The following LZTFL1 variants were observed in gnomAD, a reference collection of about 807,000 sequenced individuals.
LZTFL1 encodes the protein leucine zipper transcription factor-like protein 1.
Under a neutral mutation model 45.9 loss-of-function variants are expected in LZTFL1, and 25 were observed. That is an observed-to-expected ratio of 0.54 (90% CI 0.40 to 0.76). The LOEUF is 0.76. Ranked by LOEUF, LZTFL1 falls within the 30% of genes least tolerant of loss-of-function variation. The pLI, the probability that LZTFL1 is intolerant of heterozygous loss-of-function variation, is 0.00. For missense variants in LZTFL1, 277 were observed against 331.1 expected, an observed-to-expected ratio of 0.84 and a Z score of 1.27; for synonymous variants, 93 against 117.4, an observed-to-expected ratio of 0.79 and a Z score of 1.35.
rs1021054753 is a variant in LZTFL1 at position 45,825,195 on chromosome 3, G to C, written c.*1119C>G. The C allele has an allele frequency of 7.5e-5, 22 of 291,658 alleles. No homozygotes were observed. Among genetic ancestry groups the C allele is most frequent in the African/African-American group, 2.2e-4 (10 of 46,442 alleles). 18.1% of individuals were successfully genotyped at this position (291,658 alleles called of 1,614,324 possible). A position where few individuals can be genotyped will look rare whatever the true frequency, so the allele number is the denominator to read the frequency against. ...TCTCTTAGTAGACAGTGTTCATTTAGGGTGTGATACTCTCACTTTTAGAAG... is the reference window on the plus strand; with the variant it reads ...TCTCTTAGTAGACAGTGTTCATTTACGGTGTGATACTCTCACTTTTAGAAG... On this transcript the variant is annotated 3_prime_UTR_variant, in exon 10 of 10. Coordinates refer to ENST00000296135, the MANE Select transcript of LZTFL1 (RefSeq NM_020347.4).
exon 1 of LZTFL1, chr3:45,915,465 T>G (rs1040822791): frequency 4.4e-6 from 2 of 454,840 alleles, no homozygotes; most frequent in Non-Finnish European, 8.8e-6. Context: ...CTTCCTTCTC[T>G]CCTCCGAGGC....
At chr3:45,888,399 T>G (rs2125737437) in intron 2 of LZTFL1, among the ~76,000 whole-genome samples, 1 of 152,338 alleles carries the variant, frequency 6.6e-6, no homozygotes, top group Non-Finnish European at 1.5e-5. Flanking sequence ...CCACAACTCA[T>G]AGCACTTTCC....
chr3:45,845,132 T>C (rs1372835529), upstream of LZTFL1, among the ~76,000 whole-genome samples: 1 of 152,146 alleles, frequency 6.6e-6, no homozygotes, highest in South Asian at 2.1e-4. Context: ...AGCTCCTCTT[T>C]CCATACTCCC....
chr3:45,880,365 G>T (rs1278055182), intron 2 of LZTFL1, among the ~76,000 whole-genome samples: 1 of 152,094 alleles, frequency 6.6e-6, no homozygotes, highest in Non-Finnish European at 1.5e-5. Context: ...AGCTGGGCGT[G>T]GTGATGGGCA....
intron 2 of LZTFL1, among the ~76,000 whole-genome samples, chr3:45,906,022 G>A (rs1454779160): frequency 6.6e-6 from 1 of 152,130 alleles, no homozygotes; most frequent in Non-Finnish European, 1.5e-5. Context: ...CAAAGGCATT[G>A]ATTCCTAATA....
At chr3:45,873,541 CTAT>C (rs1470068139) in intron 2 of LZTFL1, among the ~76,000 whole-genome samples, 2 of 152,102 alleles carry the variant, frequency 1.3e-5, no homozygotes, top group Non-Finnish European at 2.9e-5. Flanking sequence ...AAGCAGTGAA[CTAT>C]TATAATTCAT....
upstream of LZTFL1, chr3:45,842,203 T>C (rs968343960): frequency 3.5e-6 from 5 of 1,432,070 alleles, no homozygotes; most frequent in South Asian, 2.8e-5. Context: ...AAGTATTGCG[T>C]AACCGGTTGA....
upstream of LZTFL1, among the ~76,000 whole-genome samples, chr3:45,846,676 T>A (rs1701221854): frequency 6.6e-6 from 1 of 151,988 alleles, no homozygotes. Context: ...TATTTACTAT[T>A]CATTAAGTGG....
At chr3:45,859,366 T>C (rs1251019474) in intron 2 of LZTFL1, among the ~76,000 whole-genome samples, 1 of 151,832 alleles carries the variant, frequency 6.6e-6, no homozygotes, top group Non-Finnish European at 1.5e-5. Context: ...GCTGGGACTA[T>C]AGGCACTAGC....
chr3:45,847,163 C>A (rs934727756), intron 4 of LZTFL1, among the ~76,000 whole-genome samples: 6 of 152,198 alleles, frequency 3.9e-5, no homozygotes, highest in African/African-American at 1.4e-4. Context: ...AAGATTCACA[C>A]CTTGAAACCC....
chr3:45,866,751 T>C (rs1054499374), intron 2 of LZTFL1, among the ~76,000 whole-genome samples: 5 of 152,238 alleles, frequency 3.3e-5, no homozygotes, highest in Non-Finnish European at 7.3e-5. Flanking sequence ...CAGCTTTGTG[T>C]ATACCACAGA....
At chr3:45,848,764 G>C (rs758827684) in intron 4 of LZTFL1, among the ~76,000 whole-genome samples, 2 of 152,228 alleles carry the variant, frequency 1.3e-5, no homozygotes, top group Non-Finnish European at 2.9e-5. Context: ...CATAAGTTTT[G>C]ATAAATTTTA....
intron 4 of LZTFL1, among the ~76,000 whole-genome samples, chr3:45,852,709 A>G (rs953340158): frequency 8.5e-5 from 13 of 152,242 alleles, no homozygotes; most frequent in African/African-American, 3.1e-4. Context: ...CCTACTTTAT[A>G]TATGTCTGTA....
At position 45,901,346 on chromosome 3, in the gene LZTFL1, C is replaced by A; in HGVS notation, c.-215+11774G>T. ...CTCTCTGCATCCCAGAAATCTTATACAGCCAAATCAAGGAGGAATCCGGCA... is the reference window on the plus strand; with the variant it reads ...CTCTCTGCATCCCAGAAATCTTATAAAGCCAAATCAAGGAGGAATCCGGCA... On this transcript the variant is annotated intron_variant, in intron 2 of 4. Coordinates refer to the LZTFL1 transcript ENST00000472635. The surrounding 1 kb of genome is among the most constrained non-coding windows in gnomAD (Gnocchi z 4.3). 1 of 1,614,140 alleles carries A rather than the reference C, an allele frequency of 6.2e-7. No individual in the cohort carries two copies. The highest frequency in any genetic ancestry group is 1.7e-5 in the Admixed American group (1 of 60,020).
chr3:45,876,972 C>T (rs1701757558), intron 2 of LZTFL1, among the ~76,000 whole-genome samples: 1 of 152,110 alleles, frequency 6.6e-6, no homozygotes, highest in Non-Finnish European at 1.5e-5. Context: ...GGACACAAGA[C>T]AGCAGGGATG....
intron 2 of LZTFL1, among the ~76,000 whole-genome samples, chr3:45,898,157 T>C (rs1279085328): frequency 6.6e-6 from 1 of 152,188 alleles, no homozygotes; most frequent in Admixed American, 6.5e-5. Context: ...AAACCTGCTG[T>C]GATGTCCACT....
intron 2 of LZTFL1, among the ~76,000 whole-genome samples, chr3:45,861,055 G>A (rs377672188): frequency 6.6e-6 from 1 of 152,152 alleles, no homozygotes; most frequent in East Asian, 1.9e-4. Flanking sequence ...TCAGCACAGG[G>A]TCGAAGTACA....
chr3:45,913,891 A>G (rs981569081), intron 1 of LZTFL1, among the ~76,000 whole-genome samples: 1 of 152,330 alleles, frequency 6.6e-6, no homozygotes, highest in East Asian at 1.9e-4. Context: ...CCACTCAGAA[A>G]TGATCTGCCA....
At chr3:45,853,441 T>C (rs1701337994) in intron 4 of LZTFL1, among the ~76,000 whole-genome samples, 1 of 152,238 alleles carries the variant, frequency 6.6e-6, no homozygotes. Context: ...GGTTTACTAT[T>C]TACTCTTTTC....
Sources: gnomAD v4.1 joint callset for allele counts (sites outside exome capture counted in the v4.1 genomes callset) on GRCh38, gnomAD v4.1.1 for gene constraint, Gnocchi (gnomAD v3.1) non-coding constraint, MANE v1.5 for transcripts, NCBI Gene and HGNC (gene_info 2026-07-23, HGNC 2026-07-21) for gene names.